Variants in LSP1 observed in about 807,000 individuals in gnomAD.
LSP1 encodes the protein lymphocyte specific protein 1.
In LSP1, 32 loss-of-function variants were observed where a neutral mutation model predicts 49.3. The observed-to-expected ratio is 0.65, with a 90% CI of 0.49 to 0.87. LSP1 has a LOEUF of 0.87. Among genes scored for constraint, LSP1 ranks in the 40% least tolerant of loss-of-function variants. LSP1 has a pLI of 0.00. For synonymous variants in LSP1, 179 were observed against 178.8 expected (o/e 1.00, Z -0.01); for missense variants, 428 against 442.6 (o/e 0.97, Z 0.30).
chr11:1,853,609 C>T (rs571644291), intron 1 of LSP1, among the ~76,000 whole-genome samples: 7 of 152,252 alleles, frequency 4.6e-5, no homozygotes, highest in South Asian at 2.1e-4. Flanking sequence ...GGAACTGGCC[C>T]GGGCCTGGCC....
chr11:1,858,784 G>T (rs1034388521), intron 1 of LSP1, among the ~76,000 whole-genome samples: 1 of 152,222 alleles, frequency 6.6e-6, no homozygotes, highest in South Asian at 2.1e-4. Context: ...CATGGGGGTG[G>T]GGTTGATAGG....
chr11:1,890,044 C>T (rs1276202899), intron 10 of LSP1: 2 of 702,954 alleles, frequency 2.8e-6, no homozygotes, highest in African/African-American at 1.8e-5. Context: ...TGGATGTGCA[C>T]CTGGGTGACG....
chr11:1,874,549 C>G (rs1350638549), intron 1 of LSP1, among the ~76,000 whole-genome samples: 1 of 152,010 alleles, frequency 6.6e-6, no homozygotes, highest in Non-Finnish European at 1.5e-5. Context: ...CCAGGTGGGG[C>G]GAAGGCCAAG....
chr11:1,857,448 T>C (rs1847517773), intron 1 of LSP1, among the ~76,000 whole-genome samples: 1 of 152,166 alleles, frequency 6.6e-6, no homozygotes, highest in South Asian at 2.1e-4. Flanking sequence ...GGGTGAGCCC[T>C]AGAGAAGAGG....
intron 3 of LSP1, among the ~76,000 whole-genome samples, chr11:1,882,495 C>G (rs1297064721): frequency 6.6e-6 from 1 of 152,156 alleles, no homozygotes; most frequent in African/African-American, 2.4e-5. Flanking sequence ...GTGCCCACCG[C>G]CCCCCTCCCT....
intron 1 of LSP1, among the ~76,000 whole-genome samples, chr11:1,878,874 G>A (rs1290915469): frequency 6.6e-6 from 1 of 152,120 alleles, no homozygotes; most frequent in South Asian, 2.1e-4. Context: ...AGCTGAGGCT[G>A]CGGTGTCTGC....
chr11:1,886,880 C>T lies in LSP1; in HGVS notation c.852+14C>T. On this transcript the variant is annotated intron_variant, in intron 8 of 10. Coordinates refer to ENST00000311604, the MANE Select transcript of LSP1 (RefSeq NM_002339.3). ...CCGTCCTGCAAGGTAAGGTCCCCTC[C>T]AGGGGCAAGGCTGGGCTGCAGAGCC... is the stretch of plus-strand genomic sequence containing the variant. 3 of 1,608,248 alleles carry T rather than the reference C, an allele frequency of 1.9e-6. No individual in the cohort carries two copies. Among genetic ancestry groups the T allele is most frequent in the East Asian group, 2.2e-5 (1 of 44,832 alleles).
intron 1 of LSP1, chr11:1,870,923 C>T (rs905720876): frequency 1.1e-4 from 105 of 985,628 alleles, no homozygotes; most frequent in Non-Finnish European, 1.2e-4. Context: ...GCAGCGCTCC[C>T]GAGGGCCGTC....
chr11:1,880,243 CGT>C lies in LSP1; in HGVS notation c.191+21_191+22del. ...AGATGCTGTGAGCAGCCCCATAACG[CGT>C]GCCTGGGCTCTAGCCCCTATCCGTG... On this transcript the variant is annotated intron_variant, in intron 2 of 10. Coordinates refer to ENST00000311604, the MANE Select transcript of LSP1 (RefSeq NM_002339.3). 6.4e-7 allele frequency: 1 copy of C among 1,561,650 alleles called. No homozygotes were observed. Among genetic ancestry groups the C allele is most frequent in the Non-Finnish European group, 8.7e-7 (1 of 1,150,894 alleles).
chr11:1,889,824 AAGCC>A (rs1248123856), intron 10 of LSP1: 26 of 634,984 alleles, frequency 4.1e-5, no homozygotes, highest in Admixed American at 2.7e-4. Context: ...TGAGGCCTGG[AAGCC>A]GGGTGGCGGC....
At chr11:1,862,440 C>A (rs1419407412) in intron 1 of LSP1, among the ~76,000 whole-genome samples, 2 of 152,184 alleles carry the variant, frequency 1.3e-5, no homozygotes, top group Non-Finnish European at 1.5e-5. Flanking sequence ...AATATTCTTC[C>A]TTCTTTTGAA....
At chr11:1,865,164 G>A in intron 1 of LSP1, 1 of 985,770 alleles carries the variant, frequency 1.0e-6, no homozygotes, top group Non-Finnish European at 1.2e-6. Flanking sequence ...CCCGGGGCTG[G>A]GGTCAGGCCA....
intron 3 of LSP1, among the ~76,000 whole-genome samples, 164 bp from the exon 4 acceptor site, chr11:1,883,255 C>T (rs1209756003): frequency 1.3e-5 from 2 of 152,282 alleles, no homozygotes; most frequent in Admixed American, 6.5e-5. Flanking sequence ...TCTGAGGCCA[C>T]TGGACCTTCT....
At chr11:1,853,232 C>T (rs555463646) in intron 1 of LSP1, 35 bp downstream of exon 1, 46 of 1,597,478 alleles carry the variant, frequency 2.9e-5, no homozygotes, top group East Asian at 1.4e-4. Flanking sequence ...CGCCCTGTGC[C>T]GTGTCCACGG....
intron 1 of LSP1, among the ~76,000 whole-genome samples, chr11:1,855,903 G>A (rs573183896): frequency 6.6e-6 from 1 of 152,234 alleles, no homozygotes; most frequent in Non-Finnish European, 1.5e-5. Flanking sequence ...TTGAGGCGAT[G>A]AGGACGGGGC....
intron 3 of LSP1, among the ~76,000 whole-genome samples, chr11:1,882,544 G>T (rs1351449229): frequency 1.3e-5 from 2 of 152,122 alleles, no homozygotes; most frequent in Non-Finnish European, 1.5e-5. Flanking sequence ...GGAGTCAGCG[G>T]CTCTGCTTTT....
chr11:1,866,668 A>C, intron 1 of LSP1: 2 of 1,549,790 alleles, frequency 1.3e-6, no homozygotes, highest in South Asian at 2.4e-5. Flanking sequence ...GCCCAACGGG[A>C]ATGTGTTTTC....
At chr11:1,866,689 C>T in intron 1 of LSP1, 3 of 1,550,580 alleles carry the variant, frequency 1.9e-6, no homozygotes, top group Non-Finnish European at 2.6e-6. Context: ...CCAGGGGACG[C>T]TGCTGTCCAC....
chr11:1,872,059 GGT>G (rs1848042610), intron 1 of LSP1, among the ~76,000 whole-genome samples: 1 of 121,716 alleles, frequency 8.2e-6, no homozygotes, highest in Non-Finnish European at 1.7e-5. Context: ...TAGTCACCCT[GGT>G]GCACGCTGGT....
Sources: gnomAD v4.1 joint callset for allele counts (sites outside exome capture counted in the v4.1 genomes callset) on GRCh38, gnomAD v4.1.1 for gene constraint, MANE v1.5 for transcripts, NCBI Gene and HGNC (gene_info 2026-07-23, HGNC 2026-07-21) for gene names.